The following ADGB variants were observed in gnomAD, a reference collection of about 807,000 sequenced individuals.
ADGB encodes calpain-7-like protein.
In ADGB, 172 loss-of-function variants were observed where a neutral mutation model predicts 210.5. The observed-to-expected ratio is 0.82, with a 90% CI of 0.72 to 0.93. ADGB has a LOEUF of 0.93. Among genes scored for constraint, ADGB ranks in the 40% least tolerant of loss-of-function variants. The pLI is 0.00. For synonymous variants in ADGB, 658 were observed against 662.7 expected (o/e 0.99, Z 0.11); for missense variants, 2,025 against 1,964.8 (o/e 1.03, Z -0.58).
chr6:146,610,143 T>C (rs970289510), intron 1 of ADGB, among the ~76,000 whole-genome samples: 6 of 152,222 alleles, frequency 3.9e-5, no homozygotes, highest in Admixed American at 6.5e-5. Flanking sequence ...TTAATATTAC[T>C]AATTGTGTTA....
chr6:146,774,325 A>G (rs1343176158), intron 29 of ADGB, among the ~76,000 whole-genome samples: 2 of 152,230 alleles, frequency 1.3e-5, no homozygotes, highest in Non-Finnish European at 2.9e-5. Flanking sequence ...AAAATTAATA[A>G]TATGAGTGAA....
chr6:146,647,947 T>A (rs1775645848), intron 3 of ADGB, among the ~76,000 whole-genome samples: 1 of 152,046 alleles, frequency 6.6e-6, no homozygotes, highest in Non-Finnish European at 1.5e-5. Flanking sequence ...GAAAATAATT[T>A]AAAAATATAT....
chr6:146,676,423 G>C lies in ADGB; in HGVS notation c.1198G>C (p.Val400Leu). The C allele has an allele frequency of 6.7e-7, 1 of 1,493,998 alleles. No individual in the cohort carries two copies. The highest frequency in any genetic ancestry group is 1.4e-5 in the South Asian group (1 of 72,850). 92.5% of individuals were successfully genotyped at this position (1,493,998 alleles called of 1,614,324 possible). A position where few individuals can be genotyped will look rare whatever the true frequency, so the allele number is the denominator to read the frequency against. ...SRPSSEVQYSVQSLSDCSSAI... is the reference protein window; with the variant it reads ...SRPSSEVQYSLQSLSDCSSAI... ...ACCCTCATCAGAAGTGCAGTACTCT[G>C]TGCAGTCCCTATCAGATTGTAAGCT... Residue 400 changes from valine (V) to leucine (L), a missense_variant, in exon 9 of 36, where the codon GTG (valine) becomes CTG (leucine). By Grantham distance (32) the Val-to-Leu change is conservative. Transcript: ENST00000397944.
chr6:146,793,382 C>T (rs1027473916), intron 33 of ADGB, among the ~76,000 whole-genome samples: 1 of 152,194 alleles, frequency 6.6e-6, no homozygotes, highest in African/African-American at 2.4e-5. Context: ...AAACAGGACA[C>T]CCCAGCTGCT....
chr6:146,665,762 C>A (rs1355925618), intron 6 of ADGB, among the ~76,000 whole-genome samples: 2 of 152,024 alleles, frequency 1.3e-5, no homozygotes, highest in Non-Finnish European at 2.9e-5. Flanking sequence ...CTACATGGTA[C>A]AATTTATATT....
At chr6:146,743,871 G>A (rs1562289980) in intron 25 of ADGB, among the ~76,000 whole-genome samples, 2 of 152,108 alleles carry the variant, frequency 1.3e-5, no homozygotes, top group African/African-American at 4.8e-5. Context: ...CCGTGATCAC[G>A]CCACTGCTTT....
At chr6:146,656,423 A>T (rs1268188175) in intron 4 of ADGB, among the ~76,000 whole-genome samples, 1 of 152,170 alleles carries the variant, frequency 6.6e-6, no homozygotes, top group East Asian at 1.9e-4. Context: ...CTCATTTGTC[A>T]CAATTTTCAG....
At chr6:146,658,331 AGACTTT>A (rs1413503776) in intron 5 of ADGB, among the ~76,000 whole-genome samples, 2 of 152,138 alleles carry the variant, frequency 1.3e-5, no homozygotes, top group African/African-American at 2.4e-5. Context: ...TATCTAGACT[AGACTTT>A]AAGTTTTAAA....
chr6:146,686,093 C>G (rs969990399), intron 10 of ADGB, among the ~76,000 whole-genome samples: 2 of 151,916 alleles, frequency 1.3e-5, no homozygotes, highest in African/African-American at 4.8e-5. Flanking sequence ...TTTATAGATC[C>G]TTCTGTTATA....
chr6:146,630,601 G>C (rs538734150), intron 1 of ADGB, among the ~76,000 whole-genome samples: 9 of 152,046 alleles, frequency 5.9e-5, no homozygotes, highest in Non-Finnish European at 1.3e-4. Context: ...ATCCAGAAGT[G>C]AAGAGAAAAA....
intron 25 of ADGB, among the ~76,000 whole-genome samples, chr6:146,744,717 C>T (rs1245303091): frequency 6.6e-6 from 1 of 152,192 alleles, no homozygotes; most frequent in East Asian, 1.9e-4. Context: ...TTCCTCGATA[C>T]TCAGTACTCG....
intron 12 of ADGB, among the ~76,000 whole-genome samples, chr6:146,699,121 C>T (rs138040615): frequency 6.6e-6 from 1 of 152,170 alleles, no homozygotes; most frequent in Admixed American, 6.5e-5. Context: ...GGAATATAGA[C>T]ATCGACATAG....
chr6:146,815,158 A>G lies in ADGB; in HGVS notation c.4945A>G (p.Thr1649Ala). The part of the protein sequence containing the change: ...AAQEAAMKLE[T>A]EKMTPAPDTQ... ...TCAGGAAGCAGCCATGAAGCTGGAG[A>G]CAGAAAAGATGACCCCAGCTCCTGA... is the stretch of plus-strand genomic sequence containing the variant. Residue 1649 changes from threonine to alanine, a missense_variant, in exon 36 of 36, where the codon ACA (threonine) becomes GCA (alanine). By Grantham distance (58) the Thr-to-Ala change is moderately conservative (BLOSUM62 0). Transcript: ENST00000397944. The G allele has an allele frequency of 6.5e-7, 1 of 1,537,138 alleles. No homozygotes were observed. The highest frequency in any genetic ancestry group is 1.2e-5 in the South Asian group (1 of 81,714).
intron 35 of ADGB, among the ~76,000 whole-genome samples, chr6:146,811,938 T>C (rs1778309606): frequency 6.6e-6 from 1 of 152,218 alleles, no homozygotes; most frequent in African/African-American, 2.4e-5. Context: ...CCTCCCAAAG[T>C]GCTGGGATTA....
At chr6:146,755,454 G>A (rs960982157) in intron 27 of ADGB, among the ~76,000 whole-genome samples, 80 of 152,160 alleles carry the variant, frequency 5.3e-4, no homozygotes, top group African/African-American at 1.5e-3. Context: ...CGCAAAATCT[G>A]ATGGTTTTAT....
Position 146,724,315 on chromosome 6 carries a change from G to A in ADGB, c.2225G>A (p.Arg742His), listed in dbSNP as rs757114447. 4.2e-5 allele frequency: 65 copies of A among 1,539,318 alleles called. No individual in the cohort carries two copies. Among genetic ancestry groups the A allele is most frequent in the South Asian group, 3.9e-4 (32 of 81,812 alleles). ...HTYATKATVVRLPVGRHMLLF... is the reference protein window; with the variant it reads ...HTYATKATVVHLPVGRHMLLF... The stretch of plus-strand genomic sequence containing the variant: ...TATGCTACCAAGGCTACAGTGGTTC[G>A]TCTGCCTGTTGGGTATGAAGTGGCT... The change falls in exon 18 of 36, where the codon CGT (arginine) becomes CAT (histidine). Residue 742 changes from arginine to histidine, a missense_variant. Coordinates refer to ENST00000397944, the MANE Select transcript of ADGB (RefSeq NM_024694.4).
chr6:146,710,695 T>TA (rs545186558), intron 13 of ADGB, among the ~76,000 whole-genome samples: 132 of 151,112 alleles, frequency 8.7e-4, no homozygotes, highest in South Asian at 1.5e-3. Flanking sequence ...TTTGAAATTT[T>TA]AAAAAAAAAA....
intron 10 of ADGB, among the ~76,000 whole-genome samples, chr6:146,690,195 T>A (rs758940145): frequency 1.3e-5 from 2 of 152,150 alleles, no homozygotes; most frequent in Non-Finnish European, 2.9e-5. Context: ...AGTTTCCAGT[T>A]GAAGTAATAA....
At chr6:146,599,456 T>C (rs1446776338) in intron 1 of ADGB, among the ~76,000 whole-genome samples, 2 of 152,112 alleles carry the variant, frequency 1.3e-5, no homozygotes, top group Non-Finnish European at 2.9e-5. Context: ...ATACTTCTGG[T>C]TAAAGCCACA....
Sources: gnomAD v4.1 joint callset for allele counts (sites outside exome capture counted in the v4.1 genomes callset) on GRCh38, gnomAD v4.1.1 for gene constraint, MANE v1.5 for transcripts, NCBI Gene and HGNC (gene_info 2026-07-23, HGNC 2026-07-21) for gene names.